NDUFAF6: variants seen among roughly 807,000 people sequenced by gnomAD.
The protein encoded by NDUFAF6 is NADH:ubiquinone oxidoreductase complex assembly factor 6.
In NDUFAF6, 45 loss-of-function variants were observed where a neutral mutation model predicts 40.8. That is an observed-to-expected ratio of 1.10 (90% CI 0.87 to 1.42). The LOEUF is 1.42. NDUFAF6 is among the 40% of genes most tolerant of loss of function. The pLI is 0.00. For synonymous variants in NDUFAF6, 185 were observed against 155.9 expected (o/e 1.19, Z -1.39); for missense variants, 435 against 418.5 (o/e 1.04, Z -0.34).
intron 1 of NDUFAF6, among the ~76,000 whole-genome samples, chr8:94,897,706 C>CTTTTTT (rs11432186): frequency 2.3e-5 from 3 of 131,960 alleles, no homozygotes; most frequent in South Asian, 2.4e-4. Context: ...TATTCTGTGC[C>CTTTTTT]TTTTTTTTTT....
At chr8:94,921,182 C>G (rs1248758587) in intron 1 of NDUFAF6, among the ~76,000 whole-genome samples, 1 of 152,222 alleles carries the variant, frequency 6.6e-6, no homozygotes, top group African/African-American at 2.4e-5. Context: ...AAGTCATCTC[C>G]CCTTCTGTCC....
intron 1 of NDUFAF6, among the ~76,000 whole-genome samples, chr8:94,963,762 A>T (rs560131132): frequency 3.9e-5 from 6 of 152,102 alleles, no homozygotes; most frequent in Non-Finnish European, 7.4e-5. Context: ...AGGGAGCCAG[A>T]CATCTGGGGC....
intron 1 of NDUFAF6, among the ~76,000 whole-genome samples, chr8:94,904,068 G>A (rs1818205911): frequency 6.6e-6 from 1 of 152,104 alleles, no homozygotes; most frequent in African/African-American, 2.4e-5. Context: ...GGGCCAAGCT[G>A]TCCTTCCAAT....
chr8:95,043,654 A>G (rs1169763344), intron 4 of NDUFAF6, among the ~76,000 whole-genome samples: 2 of 152,200 alleles, frequency 1.3e-5, no homozygotes, highest in Non-Finnish European at 2.9e-5. Flanking sequence ...TTCATTAGAG[A>G]AATGCAAATT....
chr8:95,080,804 G>A (rs2678839), downstream of NDUFAF6, among the ~76,000 whole-genome samples: 86,809 of 151,918 alleles, frequency 0.57, 25,095 homozygotes, highest in East Asian at 0.77. Flanking sequence ...CACTGTGCCC[G>A]GCCAAATGAC....
intron 1 of NDUFAF6, among the ~76,000 whole-genome samples, chr8:94,973,855 T>TAAAAA (rs754972680): frequency 8.0e-6 from 1 of 125,344 alleles, no homozygotes; most frequent in East Asian, 2.5e-4. Context: ...CCCCTGTCTC[T>TAAAAA]AAAAAAAAAA....
At chr8:95,005,553 A>ATATATAT (rs60157067) in intron 2 of NDUFAF6, among the ~76,000 whole-genome samples, 7 of 124,326 alleles carry the variant, frequency 5.6e-5, no homozygotes, top group South Asian at 2.3e-4. Context: ...ATATATATAT[A>ATATATAT]AAAAATATAT....
chr8:94,937,357 C>T (rs1193122896), intron 1 of NDUFAF6, among the ~76,000 whole-genome samples: 1 of 151,276 alleles, frequency 6.6e-6, no homozygotes, highest in African/African-American at 2.4e-5. Flanking sequence ...AGGAGAATCA[C>T]TTGAACCCGG....
intron 2 of NDUFAF6, among the ~76,000 whole-genome samples, chr8:95,006,655 C>T (rs373805202): frequency 6.6e-6 from 1 of 151,956 alleles, no homozygotes; most frequent in East Asian, 1.9e-4. Flanking sequence ...CTAAGGCGGG[C>T]GGATCGCTTG....
At chr8:94,925,047 G>C (rs574469494) in intron 1 of NDUFAF6, among the ~76,000 whole-genome samples, 2 of 152,150 alleles carry the variant, frequency 1.3e-5, no homozygotes, top group African/African-American at 2.4e-5. Context: ...CCAGCCCAAA[G>C]TGGGGCTTTC....
chr8:95,067,981 A>G (rs1832744181), intron 9 of NDUFAF6: 2 of 152,180 alleles, frequency 1.3e-5, no homozygotes, highest in South Asian at 2.1e-4. Flanking sequence ...GGAGTGGACC[A>G]TAGGTTTTTC....
At chr8:95,056,189 T>C (rs1293696431) in intron 8 of NDUFAF6, among the ~76,000 whole-genome samples, 1 of 152,146 alleles carries the variant, frequency 6.6e-6, no homozygotes, top group African/African-American at 2.4e-5. Context: ...TATTTCATTG[T>C]ACAAACGATT....
At chr8:95,110,062 C>CTG (rs1322388031) in intron 4 of NDUFAF6, among the ~76,000 whole-genome samples, 38 of 152,270 alleles carry the variant, frequency 2.5e-4, no homozygotes, top group African/African-American at 8.9e-4. Context: ...ATCTGTGGAC[C>CTG]TGTGGCAGTT....
intron 1 of NDUFAF6, among the ~76,000 whole-genome samples, chr8:94,938,905 T>C (rs1018569282): frequency 3.3e-5 from 5 of 152,216 alleles, no homozygotes; most frequent in East Asian, 1.9e-4. Flanking sequence ...GGGCTTGAGA[T>C]TGGCATCAGA....
At chr8:94,964,718 A>C (rs1263160965) in intron 1 of NDUFAF6, among the ~76,000 whole-genome samples, 1 of 152,160 alleles carries the variant, frequency 6.6e-6, no homozygotes, top group African/African-American at 2.4e-5. Flanking sequence ...AGGGGATGGC[A>C]CCGAGCCATT....
chr8:94,927,745 C>A (rs1228708807), intron 1 of NDUFAF6: 3 of 152,480 alleles, frequency 2.0e-5, no homozygotes, highest in Non-Finnish European at 4.4e-5. Context: ...CTAAGAAACT[C>A]ATTCACGAAG....
At chr8:94,940,272 G>T in intron 1 of NDUFAF6, 1 of 1,533,348 alleles carries the variant, frequency 6.5e-7, no homozygotes, top group Non-Finnish European at 8.8e-7. Flanking sequence ...GAGTCCCACA[G>T]GAGGATGATT....
downstream of NDUFAF6, among the ~76,000 whole-genome samples, chr8:95,061,991 C>G (rs1278860234): frequency 1.3e-5 from 2 of 151,778 alleles, no homozygotes; most frequent in Admixed American, 6.6e-5. Flanking sequence ...GACCCCATCT[C>G]TACAAAAAAT....
At chr8:95,096,908 G>C (rs189378549), upstream of NDUFAF6, among the ~76,000 whole-genome samples, 1 of 152,170 alleles carries the variant, frequency 6.6e-6, no homozygotes, top group Non-Finnish European at 1.5e-5. Flanking sequence ...CATTTTCCTC[G>C]TAATTGCCAA....
Sources: gnomAD v4.1 joint callset for allele counts (sites outside exome capture counted in the v4.1 genomes callset) on GRCh38, gnomAD v4.1.1 for gene constraint, MANE v1.5 for transcripts, NCBI Gene and HGNC (gene_info 2026-07-23, HGNC 2026-07-21) for gene names.